Variants in LRRIQ1 observed in about 807,000 individuals in gnomAD.
LRRIQ1 encodes the protein leucine rich repeats and IQ motif containing 1.
Under a neutral mutation model 211.9 loss-of-function variants are expected in LRRIQ1, and 210 were observed. The observed-to-expected ratio is 0.99, with a 90% CI of 0.89 to 1.11. The LOEUF (loss-of-function observed/expected upper bound fraction) is 1.11. Ranked by LOEUF, LRRIQ1 falls within the 50% of genes most tolerant of loss-of-function variation. The probability of loss-of-function intolerance (pLI) is 0.00; values close to 1 mark genes in which losing one functional copy is unlikely to be tolerated. For synonymous variants in LRRIQ1, 699 were observed against 650.1 expected, an observed-to-expected ratio of 1.08 and a Z score of -1.14; for missense variants, 2,136 against 1,939.5, an observed-to-expected ratio of 1.10 and a Z score of -1.90.
At chr12:85,198,899 C>T (rs762193177) in intron 24 of LRRIQ1, among the ~76,000 whole-genome samples, 5 of 151,892 alleles carry the variant, frequency 3.3e-5, no homozygotes, top group Non-Finnish European at 7.4e-5. Flanking sequence ...GTTTGTTGGC[C>T]GAATGTATGT....
chr12:85,156,781 A>T (rs1038876742), intron 23 of LRRIQ1, among the ~76,000 whole-genome samples: 2 of 150,268 alleles, frequency 1.3e-5, no homozygotes, highest in African/African-American at 5.0e-5. Context: ...ATCGTCTATA[A>T]AACTGCTGCG....
intron 19 of LRRIQ1, among the ~76,000 whole-genome samples, chr12:85,148,770 T>C (rs1024568483): frequency 3.3e-5 from 5 of 151,998 alleles, no homozygotes; most frequent in African/African-American, 1.2e-4. Context: ...CCACCAACAG[T>C]GTAAAAGTGT....
chr12:85,256,319 G>A (rs1896090053), intron 1 of LRRIQ1, among the ~76,000 whole-genome samples: 1 of 151,546 alleles, frequency 6.6e-6, no homozygotes, highest in Non-Finnish European at 1.5e-5. Context: ...TAATATTTTA[G>A]TTCTTATCCA....
chr12:85,058,005 C>T (rs373970224), intron 8 of LRRIQ1, among the ~76,000 whole-genome samples: 393 of 152,038 alleles, frequency 2.6e-3, no homozygotes, highest in African/African-American at 8.9e-3. Flanking sequence ...TGTTTATTCA[C>T]TCAGCAAATA....
intron 24 of LRRIQ1, among the ~76,000 whole-genome samples, chr12:85,207,903 A>G (rs1592971834): frequency 1.3e-5 from 2 of 152,172 alleles, no homozygotes. Context: ...ATATTCTTTC[A>G]CCAATACCAT....
chr12:85,101,722 A>G (rs1886356743), intron 13 of LRRIQ1, among the ~76,000 whole-genome samples: 1 of 151,826 alleles, frequency 6.6e-6, no homozygotes, highest in Non-Finnish European at 1.5e-5. Context: ...CTTGATTAAA[A>G]TTTCAGAAGA....
intron 24 of LRRIQ1, among the ~76,000 whole-genome samples, chr12:85,192,713 T>TTATA (rs1386189190): frequency 1.3e-4 from 12 of 93,374 alleles, no homozygotes; most frequent in African/African-American, 7.4e-4. Flanking sequence ...TATACTATAA[T>TTATA]TATAAATATA....
intron 24 of LRRIQ1, among the ~76,000 whole-genome samples, chr12:85,176,951 G>A (rs896719986): frequency 3.3e-5 from 5 of 151,918 alleles, no homozygotes; most frequent in Non-Finnish European, 7.4e-5. Flanking sequence ...AGCAGTGGCG[G>A]AATAAAAATC....
intron 19 of LRRIQ1, among the ~76,000 whole-genome samples, chr12:85,148,548 C>T (rs1890038004): frequency 6.6e-6 from 1 of 151,928 alleles, no homozygotes; most frequent in African/African-American, 2.4e-5. Flanking sequence ...TCTAGTCTAT[C>T]ATTAATGGGC....
chr12:85,194,745 A>G (rs1345036304), intron 24 of LRRIQ1, among the ~76,000 whole-genome samples: 2 of 152,134 alleles, frequency 1.3e-5, no homozygotes, highest in African/African-American at 4.8e-5. Context: ...TGACACCCTA[A>G]CATCACAATT....
chr12:85,260,690 A>G (rs1896260519), intron 1 of LRRIQ1, among the ~76,000 whole-genome samples: 2 of 152,186 alleles, frequency 1.3e-5, no homozygotes, highest in South Asian at 2.1e-4. Context: ...TATCCAGGCA[A>G]CAGTTATATT....
intron 15 of LRRIQ1, among the ~76,000 whole-genome samples, chr12:85,115,619 T>C (rs550427534): frequency 6.6e-6 from 1 of 152,270 alleles, no homozygotes; most frequent in South Asian, 2.1e-4. Flanking sequence ...ATACCTGAAA[T>C]ATTGGATGTA....
chr12:85,196,520 C>G (rs1275352346), intron 24 of LRRIQ1, among the ~76,000 whole-genome samples: 318 of 143,774 alleles, frequency 2.2e-3, no homozygotes, highest in South Asian at 4.2e-3. Flanking sequence ...AGAAATAACA[C>G]CACATATCTA....
At chr12:85,079,567 C>G (rs934866059) in intron 11 of LRRIQ1, among the ~76,000 whole-genome samples, 2 of 151,958 alleles carry the variant, frequency 1.3e-5, no homozygotes, top group Admixed American at 6.6e-5. Context: ...AATTTTGTTT[C>G]CAGTTTGTCT....
At chr12:85,042,035 A>G (rs1592683600) in intron 3 of LRRIQ1, among the ~76,000 whole-genome samples, 2 of 151,952 alleles carry the variant, frequency 1.3e-5, no homozygotes. Context: ...TTGAATTATG[A>G]AGAATGTTGA....
At chr12:85,078,909 T>A (rs994283878) in intron 11 of LRRIQ1, among the ~76,000 whole-genome samples, 2 of 152,316 alleles carry the variant, frequency 1.3e-5, no homozygotes, top group South Asian at 4.1e-4. Context: ...AAAAATTTTA[T>A]AAATGTTAAT....
chr12:85,228,632 T>C lies in LRRIQ1; in HGVS notation c.4823-885T>C, dbSNP rs142636555. Among the ~76,000 whole-genome samples, 484 of 152,272 alleles carry C rather than the reference T, an allele frequency of 3.2e-3. 5 individuals carry two copies. Among genetic ancestry groups the C allele is most frequent in the African/African-American group, 0.011 (447 of 41,552 alleles). On this transcript the variant is annotated intron_variant, in intron 24 of 26. Transcript: ENST00000393217. ...GTAACTTTTAAAGAAGAAAGACATG[T>C]TAGATATATCATCCACAACATATTC... is the stretch of plus-strand genomic sequence containing the variant.
In LRRIQ1 at chr12:85,052,161, A is replaced by T. The variant is rs1880413306; in HGVS notation, c.679-16A>T. ...ATATTTGAGTATAGTCATATTTATT[A>T]TTATCATATGTTCAGCAAGAACAGG... On this transcript the variant is annotated splice_polypyrimidine_tract_variant and intron_variant, in intron 6 of 26. Transcript: ENST00000393217. 7.5e-7 allele frequency: 1 copy of T among 1,327,918 alleles called. No individual in the cohort carries two copies. The highest frequency in any genetic ancestry group is 1.0e-6 in the Non-Finnish European group (1 of 956,874). 82.3% of individuals were successfully genotyped at this position (1,327,918 alleles called of 1,614,324 possible).
chr12:85,110,401 G>A (rs549804393), intron 15 of LRRIQ1, among the ~76,000 whole-genome samples: 4 of 152,146 alleles, frequency 2.6e-5, no homozygotes, highest in Non-Finnish European at 4.4e-5. Flanking sequence ...TAATAATTAT[G>A]TATGTAACCC....
Sources: gnomAD v4.1 joint callset for allele counts (sites outside exome capture counted in the v4.1 genomes callset) on GRCh38, gnomAD v4.1.1 for gene constraint, MANE v1.5 for transcripts, NCBI Gene and HGNC (gene_info 2026-07-23, HGNC 2026-07-21) for gene names.